The following PCBP3 variants were observed in gnomAD, a reference collection of about 807,000 sequenced individuals.
PCBP3 encodes the protein poly(rC) binding protein 3, also known as poly(rC)-binding protein 3.
In PCBP3, 25 loss-of-function variants were observed where a neutral mutation model predicts 52.7. That is an observed-to-expected ratio of 0.47 (90% CI 0.35 to 0.66). PCBP3 has a LOEUF of 0.66. Ranked by LOEUF, PCBP3 falls within the 30% of genes least tolerant of loss-of-function variation. PCBP3 has a pLI of 0.01. For synonymous variants in PCBP3, 162 were observed against 183.0 expected, an observed-to-expected ratio of 0.89 and a Z score of 0.93; for missense variants, 391 against 490.3, an observed-to-expected ratio of 0.80 and a Z score of 1.91.
chr21:45,860,649 T>C (rs1038926973), intron 5 of PCBP3, among the ~76,000 whole-genome samples: 4 of 152,218 alleles, frequency 2.6e-5, no homozygotes, highest in Non-Finnish European at 4.4e-5. Context: ...GAGCCTCTCA[T>C]GGCCAACAGC....
intron 4 of PCBP3, among the ~76,000 whole-genome samples, chr21:45,793,572 G>A (rs1299247351): frequency 6.6e-6 from 1 of 152,176 alleles, no homozygotes; most frequent in Non-Finnish European, 1.5e-5. Flanking sequence ...CGCATCACAG[G>A]ACTGACCAGT....
At chr21:45,726,061 G>T (rs2085016509) in intron 2 of PCBP3, among the ~76,000 whole-genome samples, 1 of 152,098 alleles carries the variant, frequency 6.6e-6, no homozygotes, top group African/African-American at 2.4e-5. Context: ...AGGTGCCCAG[G>T]CAGTGTGGTT....
Position 45,704,039 on chromosome 21 carries a change from G to A in PCBP3, c.-199-31353G>A, listed in dbSNP as rs951084183. Reference sequence around the variant, plus strand: ...TGAAATTACCAAGTAGGGAGTACAAGGAGAGACGAGGATCCAGGATGGAGG... The same window carrying A: ...TGAAATTACCAAGTAGGGAGTACAAAGAGAGACGAGGATCCAGGATGGAGG... On this transcript the variant is annotated intron_variant, in intron 2 of 17. Coordinates refer to ENST00000681687, the MANE Select transcript of PCBP3 (RefSeq NM_001384156.1). The surrounding 1 kb of genome is among the most constrained non-coding windows in gnomAD (Gnocchi z 4.1). 6.6e-6 allele frequency among the ~76,000 whole-genome samples: 1 copy of A among 152,294 alleles called. No homozygotes were observed.
At chr21:45,886,771 G>A (rs923101400) in intron 5 of PCBP3, among the ~76,000 whole-genome samples, 5 of 152,180 alleles carry the variant, frequency 3.3e-5, no homozygotes, top group East Asian at 1.9e-4. Context: ...TACTGACCCC[G>A]CATTGCCTCC....
At chr21:45,906,241 A>G (rs1169691012) in intron 9 of PCBP3, among the ~76,000 whole-genome samples, 1 of 152,108 alleles carries the variant, frequency 6.6e-6, no homozygotes, top group Non-Finnish European at 1.5e-5. Context: ...ATGGACAGCA[A>G]AGTTGTGTTT....
At chr21:45,888,093 T>C (rs1046037982) in intron 5 of PCBP3, among the ~76,000 whole-genome samples, 3 of 152,202 alleles carry the variant, frequency 2.0e-5, no homozygotes, top group African/African-American at 7.2e-5. Context: ...GCTGGGTACC[T>C]GTCCTGGCCG....
At chr21:45,747,951 A>T (rs2087054315) in intron 3 of PCBP3, 1 of 152,200 alleles carries the variant, frequency 6.6e-6, no homozygotes, top group Non-Finnish European at 1.5e-5. Flanking sequence ...ATCAGATTGC[A>T]GCCTGGCACG....
intron 5 of PCBP3, among the ~76,000 whole-genome samples, chr21:45,878,780 C>T (rs945566259): frequency 2.6e-5 from 4 of 152,202 alleles, no homozygotes; most frequent in African/African-American, 4.8e-5. Flanking sequence ...GACAACTCGA[C>T]GTCCGTACTC....
In PCBP3 at chr21:45,940,144, A is replaced by G; in HGVS notation, c.1024A>G (p.Thr342Ala). The G allele has an allele frequency of 6.2e-7, 1 of 1,614,112 alleles. No individual in the cohort carries two copies. Residue 342 changes from threonine (T) to alanine (A), a missense_variant, in exon 17 of 18, where the codon ACC becomes GCC. Thr to Ala is a moderately conservative substitution (Grantham distance 58). Coordinates refer to ENST00000681687, the MANE Select transcript of PCBP3 (RefSeq NM_001384156.1). ...ATEGSSERQI[T>A]ITGTPANISL... The stretch of plus-strand genomic sequence containing the variant: ...GGAAGGGTCCTCAGAGCGTCAGATC[A>G]CCATCACGGGGACCCCGGCCAACAT...
intron 2 of PCBP3, among the ~76,000 whole-genome samples, chr21:45,698,091 A>G (rs780242903): frequency 2.9e-4 from 44 of 152,144 alleles, no homozygotes; most frequent in Non-Finnish European, 5.3e-4. Context: ...ACTTTTTTCT[A>G]TTTTACAAGT....
intron 2 of PCBP3, among the ~76,000 whole-genome samples, chr21:45,733,024 T>C (rs2085574240): frequency 6.6e-6 from 1 of 152,176 alleles, no homozygotes; most frequent in Non-Finnish European, 1.5e-5. Flanking sequence ...CTTTTGGGAG[T>C]AGAGAATCTT....
Position 45,764,794 on chromosome 21 carries a change from A to G in PCBP3, c.-126+9342A>G, listed in dbSNP as rs534857585. On this transcript the variant is annotated intron_variant, in intron 4 of 17. Coordinates refer to ENST00000681687, the MANE Select transcript of PCBP3 (RefSeq NM_001384156.1). ...CATTTACCACATTCTAGCAAGGGAA[A>G]GAGTGGTGCCATCGTCTGTGTGCTT... Among the ~76,000 whole-genome samples the G allele has an allele frequency of 2.0e-4, 30 of 152,382 alleles. No individual in the cohort carries two copies. The South Asian group carries it at 6.0e-3, about 30-fold the overall frequency.
chr21:45,649,375 A>C (rs928358704), intron 1 of PCBP3, among the ~76,000 whole-genome samples: 5 of 152,258 alleles, frequency 3.3e-5, no homozygotes, highest in Admixed American at 2.0e-4. Context: ...AAACCATATC[A>C]GTCATAATAT....
chr21:45,813,853 T>C (rs918289788), intron 4 of PCBP3, among the ~76,000 whole-genome samples: 2 of 152,272 alleles, frequency 1.3e-5, no homozygotes, highest in African/African-American at 4.8e-5. Flanking sequence ...TGTTTTCTGA[T>C]ATTGGACCAT....
At chr21:45,746,220 C>T (rs575612047) in intron 3 of PCBP3, among the ~76,000 whole-genome samples, 3 of 111,908 alleles carry the variant, frequency 2.7e-5, no homozygotes, top group African/African-American at 8.2e-5. Context: ...GTAGCGCACA[C>T]GGTGTTGTCA....
chr21:45,744,574 C>A (rs2086688846), intron 3 of PCBP3, among the ~76,000 whole-genome samples: 1 of 152,108 alleles, frequency 6.6e-6, no homozygotes. Flanking sequence ...TCACATTTGT[C>A]TAATTTTTTC....
chr21:45,673,852 A>T (rs886260546), intron 2 of PCBP3: 2 of 152,324 alleles, frequency 1.3e-5, no homozygotes, highest in East Asian at 3.9e-4. Context: ...TCCAGTGAGC[A>T]TGTCTCTCTA....
chr21:45,722,276 G>A (rs2084703301), intron 2 of PCBP3, among the ~76,000 whole-genome samples: 1 of 152,162 alleles, frequency 6.6e-6, no homozygotes, highest in South Asian at 2.1e-4. Flanking sequence ...GACATAAAAT[G>A]TAAGTGGATA....
chr21:45,800,990 G>C lies in PCBP3; in HGVS notation c.-126+45538G>C, dbSNP rs997378258. On this transcript the variant is annotated intron_variant, in intron 4 of 17. Transcript: ENST00000681687. This position sits in a 1 kb window ranked among gnomAD's most constrained non-coding sequence, Gnocchi z 5.3. ...TGTTGCCCGTTCTGCGTGGCCACCC[G>C]TTCTTGCCAGCATGCCCACTCGCTC... 1.3e-5 allele frequency among the ~76,000 whole-genome samples: 2 copies of C among 152,200 alleles called. No homozygotes were observed. Among genetic ancestry groups the C allele is most frequent in the Non-Finnish European group, 2.9e-5 (2 of 68,040 alleles).
Sources: gnomAD v4.1 joint callset for allele counts (sites outside exome capture counted in the v4.1 genomes callset) on GRCh38, gnomAD v4.1.1 for gene constraint, Gnocchi (gnomAD v3.1) non-coding constraint, MANE v1.5 for transcripts, NCBI Gene and HGNC (gene_info 2026-07-23, HGNC 2026-07-21) for gene names.